Variants in PCSK5 observed in about 807,000 individuals in gnomAD.
The protein encoded by PCSK5 is prohormone convertase 5.
PCSK5 carries 129 observed loss-of-function variants against 233.2 expected under a neutral mutation model. The ratio of observed to expected loss-of-function variants is 0.55; its 90% CI spans 0.48 to 0.64. PCSK5 has a LOEUF of 0.64. Ranked by LOEUF, PCSK5 falls within the 30% of genes least tolerant of loss-of-function variation. The pLI is 0.00. For synonymous variants in PCSK5, 825 were observed against 879.2 expected, an observed-to-expected ratio of 0.94 and a Z score of 1.09; for missense variants, 2,076 against 2,430.1, an observed-to-expected ratio of 0.85 and a Z score of 3.06.
chr9:75,892,198 G>A (rs1384516774), intron 1 of PCSK5, among the ~76,000 whole-genome samples: 1 of 152,198 alleles, frequency 6.6e-6, no homozygotes, highest in East Asian at 1.9e-4. Context: ...GTGGGGTGCC[G>A]CTCTCGGGCT....
At chr9:75,934,035 G>C (rs1823935561) in intron 2 of PCSK5, among the ~76,000 whole-genome samples, 1 of 152,140 alleles carries the variant, frequency 6.6e-6, no homozygotes, top group South Asian at 2.1e-4. Flanking sequence ...GATCCTTCTT[G>C]TTATCTTGGG....
intron 24 of PCSK5, among the ~76,000 whole-genome samples, chr9:76,277,552 AC>A (rs1319394881): frequency 1.3e-5 from 2 of 152,146 alleles, no homozygotes; most frequent in Non-Finnish European, 2.9e-5. Flanking sequence ...CTCTTCTACC[AC>A]CCTGTCCCTC....
At chr9:75,996,824 T>TC (rs1463465627) in intron 3 of PCSK5, among the ~76,000 whole-genome samples, 1 of 151,740 alleles carries the variant, frequency 6.6e-6, no homozygotes, top group Non-Finnish European at 1.5e-5. Flanking sequence ...AGTTTTTTTT[T>TC]TTTTTTTTAT....
intron 3 of PCSK5, among the ~76,000 whole-genome samples, chr9:76,003,744 GATCT>G (rs1827357107): frequency 6.6e-6 from 1 of 152,018 alleles, no homozygotes; most frequent in Non-Finnish European, 1.5e-5. Context: ...TTTTTTTATA[GATCT>G]ATCCCTTTTG....
chr9:76,302,089 C>T, intron 27 of PCSK5, 48 bp from the exon 28 acceptor site: 1 of 843,458 alleles, frequency 1.2e-6, no homozygotes, highest in Non-Finnish European at 1.6e-6. Context: ...CTTCTTTATC[C>T]TTTTTGCATT....
chr9:76,109,312 C>A (rs1415645935), intron 9 of PCSK5, among the ~76,000 whole-genome samples: 1 of 151,966 alleles, frequency 6.6e-6, no homozygotes, highest in Non-Finnish European at 1.5e-5. Flanking sequence ...TTAGGAATTC[C>A]TCTACCATGC....
chr9:76,339,196 A>G (rs1302690695), intron 35 of PCSK5, among the ~76,000 whole-genome samples: 4 of 152,110 alleles, frequency 2.6e-5, no homozygotes, highest in Non-Finnish European at 5.9e-5. Flanking sequence ...CCATAAATAT[A>G]TGAGCACCAT....
At chr9:75,933,603 G>T (rs923996422) in intron 2 of PCSK5, among the ~76,000 whole-genome samples, 2 of 152,146 alleles carry the variant, frequency 1.3e-5, no homozygotes, top group Non-Finnish European at 2.9e-5. Context: ...AGTTAGCCTT[G>T]TTTAATTTTT....
intron 9 of PCSK5, among the ~76,000 whole-genome samples, chr9:76,125,575 A>G (rs1832814844): frequency 1.3e-5 from 2 of 152,282 alleles, no homozygotes; most frequent in Non-Finnish European, 2.9e-5. Context: ...AATAATGAAT[A>G]TAGAATACTT....
At chr9:76,218,440 G>A (rs1244017666) in intron 20 of PCSK5, among the ~76,000 whole-genome samples, 1 of 152,052 alleles carries the variant, frequency 6.6e-6, no homozygotes, top group African/African-American at 2.4e-5. Flanking sequence ...AGCACAATTT[G>A]GGATCCAGTC....
chr9:76,283,214 G>A (rs920903022), intron 24 of PCSK5, among the ~76,000 whole-genome samples: 27 of 152,174 alleles, frequency 1.8e-4, no homozygotes, highest in South Asian at 6.2e-4. Context: ...GGATTGACTC[G>A]AATTTTCAAA....
At chr9:76,204,532 C>T (rs1054377612) in intron 20 of PCSK5, among the ~76,000 whole-genome samples, 5 of 151,664 alleles carry the variant, frequency 3.3e-5, no homozygotes, top group East Asian at 1.9e-4. Flanking sequence ...TAGCCTGTCC[C>T]GGTGGCCAAG....
intron 9 of PCSK5, among the ~76,000 whole-genome samples, chr9:76,127,920 CA>C (rs1347764690): frequency 6.6e-6 from 1 of 152,168 alleles, no homozygotes; most frequent in Non-Finnish European, 1.5e-5. Context: ...ACAGAACTAT[CA>C]GGTAGGAGAT....
At chr9:76,027,957 T>C (rs1249330950) in intron 5 of PCSK5, among the ~76,000 whole-genome samples, 8 of 152,196 alleles carry the variant, frequency 5.3e-5, no homozygotes, top group Non-Finnish European at 1.2e-4. Context: ...TAGGGAAAAA[T>C]TTCTCAACTA....
At chr9:76,250,976 T>C (rs1194368642) in intron 24 of PCSK5, among the ~76,000 whole-genome samples, 1 of 152,222 alleles carries the variant, frequency 6.6e-6, no homozygotes, top group Non-Finnish European at 1.5e-5. Context: ...TCAATCTGGC[T>C]TGAAAAGTAG....
At chr9:76,345,961 C>G (rs1448421070) in intron 35 of PCSK5, among the ~76,000 whole-genome samples, 1 of 151,586 alleles carries the variant, frequency 6.6e-6, no homozygotes, top group Non-Finnish European at 1.5e-5. Flanking sequence ...CTCAAGTGAT[C>G]AGTGCACGTT....
chr9:75,933,568 C>T (rs1388609703), intron 2 of PCSK5, among the ~76,000 whole-genome samples: 1 of 152,182 alleles, frequency 6.6e-6, no homozygotes, highest in African/African-American at 2.4e-5. Flanking sequence ...TGCAATATTG[C>T]GTCTTGCCCT....
At chr9:76,152,506 C>T (rs987998046) in intron 10 of PCSK5, among the ~76,000 whole-genome samples, 4 of 152,072 alleles carry the variant, frequency 2.6e-5, no homozygotes, top group East Asian at 1.9e-4. Context: ...TATTTGTTTG[C>T]GGGATGCTGC....
At chr9:75,907,001 A>G (rs1826289841) in intron 1 of PCSK5, among the ~76,000 whole-genome samples, 1 of 151,822 alleles carries the variant, frequency 6.6e-6, no homozygotes, top group Non-Finnish European at 1.5e-5. Flanking sequence ...TCAAATGTCA[A>G]CTCTTGTCTA....
Sources: allele counts gnomAD v4.1 joint callset (sites outside exome capture counted in the v4.1 genomes callset), GRCh38; gene constraint gnomAD v4.1.1; transcripts MANE v1.5; gene names NCBI Gene and HGNC (gene_info 2026-07-23, HGNC 2026-07-21).